NRK: variants seen among roughly 807,000 people sequenced by gnomAD.
NRK encodes the protein Nik related kinase.
NRK carries 67 observed loss-of-function variants against 125.2 expected under a neutral mutation model. That is an observed-to-expected ratio of 0.54 (90% CI 0.44 to 0.66). NRK has a LOEUF of 0.66. Among genes scored for constraint, NRK ranks in the 30% least tolerant of loss-of-function variants. NRK has a pLI of 0.00. For synonymous variants in NRK, 458 were observed against 429.0 expected (o/e 1.07, Z -0.84); for missense variants, 1,224 against 1,192.9 (o/e 1.03, Z -0.38).
At chrX:105,851,962 C>T (rs2039477564) in intron 2 of NRK, among the ~76,000 whole-genome samples, 1 of 112,037 alleles carries the variant, frequency 8.9e-6, no homozygotes. Flanking sequence ...TAGTATTAAA[C>T]AGCTGATTGA....
At chrX:105,877,510 C>A (rs1476770275) in intron 2 of NRK, among the ~76,000 whole-genome samples, 1 of 111,271 alleles carries the variant, frequency 9.0e-6, no homozygotes, top group Non-Finnish European at 1.9e-5. Context: ...TATACAGGAA[C>A]CCCCTGTGCT....
chrX:105,881,562 T>C, intron 3 of NRK, 146 bp from the exon 4 acceptor site: 1 of 378,126 alleles, frequency 2.6e-6, no homozygotes, highest in Non-Finnish European at 4.6e-6. Flanking sequence ...ATTTGGTTTT[T>C]TAAATTAAAA....
intron 4 of NRK, among the ~76,000 whole-genome samples, chrX:105,882,247 T>C (rs1165751196): frequency 9.2e-6 from 1 of 109,002 alleles, no homozygotes; most frequent in East Asian, 2.9e-4. Flanking sequence ...ATGCCCCACG[T>C]GCCCACCCCC....
chrX:105,822,571 T>C lies in NRK; in HGVS notation c.-275T>C, dbSNP rs1229010266. The C allele has an allele frequency of 2.5e-6, 1 of 398,927 alleles. No individual in the cohort carries two copies. Among genetic ancestry groups the C allele is most frequent in the African/African-American group, 2.6e-5 (1 of 38,902 alleles). 32.9% of individuals were successfully genotyped at this position (398,927 alleles called of 1,213,427 possible). On this transcript the variant is annotated 5_prime_UTR_variant, in exon 1 of 29. Coordinates refer to ENST00000243300, the MANE Select transcript of NRK (RefSeq NM_198465.4). ...GCGCTCTCGACACGGAGCACCCTTC[T>C]AGCTTCTTCGTCTCCAGGACTGACG...
chrX:105,923,891 CTATATATATATA>C (rs1204761152), intron 18 of NRK, among the ~76,000 whole-genome samples: 5 of 47,868 alleles, frequency 1.0e-4, no homozygotes, highest in Non-Finnish European at 1.9e-4. Context: ...TGTGATATCA[CTATATATATATA>C]TATATATATA....
chrX:105,882,060 A>G (rs1229990218), intron 4 of NRK, among the ~76,000 whole-genome samples: 2 of 111,148 alleles, frequency 1.8e-5, no homozygotes, highest in Non-Finnish European at 1.9e-5. Flanking sequence ...TACAGAGCAT[A>G]GAACCCTCTG....
chrX:105,831,620 A>G (rs1196556297), intron 2 of NRK, among the ~76,000 whole-genome samples: 4 of 112,343 alleles, frequency 3.6e-5, no homozygotes, highest in African/African-American at 9.7e-5. Context: ...AAGTATGTGC[A>G]GATGCTGTGA....
intron 25 of NRK, 88 bp from the exon 26 acceptor site, chrX:105,946,227 A>G (rs2040810911): frequency 4.5e-6 from 4 of 895,297 alleles, no homozygotes; most frequent in Non-Finnish European, 3.1e-6. Flanking sequence ...TTGTACACTT[A>G]TAAACCTGAC....
chrX:105,873,724 A>G (rs112629626), intron 2 of NRK, among the ~76,000 whole-genome samples: 28 of 110,887 alleles, frequency 2.5e-4, no homozygotes, highest in Admixed American at 9.6e-5. Context: ...TTTGCTCATA[A>G]TGTCCCATCC....
intron 7 of NRK, among the ~76,000 whole-genome samples, chrX:105,897,135 T>G (rs1272022671): frequency 8.9e-6 from 1 of 112,692 alleles, no homozygotes; most frequent in African/African-American, 3.2e-5. Flanking sequence ...GATTAGAGTT[T>G]AATCAGATTT....
chrX:105,850,541 T>A (rs769618029), intron 2 of NRK, among the ~76,000 whole-genome samples: 1 of 112,688 alleles, frequency 8.9e-6, no homozygotes, highest in Admixed American at 9.4e-5. Context: ...TCCAAACTTT[T>A]GTGCTCTGTT....
chrX:105,867,488 A>G (rs1381358525), intron 2 of NRK, among the ~76,000 whole-genome samples: 1 of 112,067 alleles, frequency 8.9e-6, no homozygotes, highest in Non-Finnish European at 1.9e-5. Flanking sequence ...CATCAAACAT[A>G]TTTTTATCTT....
At position 105,896,418 on chromosome X, in the gene NRK, A is replaced by G. The variant is rs765820549; in HGVS notation, c.580+895A>G. Among the ~76,000 whole-genome samples, 121 of 112,378 alleles carry G rather than the reference A, an allele frequency of 1.1e-3. 1 individual carries two copies. Among genetic ancestry groups the G allele is most frequent in the African/African-American group, 3.7e-3 (114 of 31,012 alleles). ...CATTCATTAGGAACATTTTTCACTG[A>G]ACATTTGTGGAAGAAGCATGAGGTA... is the stretch of plus-strand genomic sequence containing the variant. On this transcript the variant is annotated intron_variant, in intron 7 of 28. Coordinates refer to ENST00000243300, the MANE Select transcript of NRK (RefSeq NM_198465.4).
In NRK at chrX:105,947,778, G is replaced by A. The variant is rs1224684563; in HGVS notation, c.4353+1314G>A. 3.6e-5 allele frequency among the ~76,000 whole-genome samples: 4 copies of A among 112,272 alleles called. No individual in the cohort carries two copies. In the Admixed American group the frequency reaches 3.8e-4, roughly 11 times the overall value. On this transcript the variant is annotated intron_variant, in intron 26 of 28. Transcript: ENST00000243300. Reference sequence around the variant, plus strand: ...TTTGATGTATTTTCAAATTACTACAGTTGTGTGATATTTTGAACAGCTCTC... The same window carrying A: ...TTTGATGTATTTTCAAATTACTACAATTGTGTGATATTTTGAACAGCTCTC...
At chrX:105,854,248 C>T (rs1338748677) in intron 2 of NRK, among the ~76,000 whole-genome samples, 2 of 111,723 alleles carry the variant, frequency 1.8e-5, no homozygotes, top group East Asian at 5.6e-4. Flanking sequence ...ATTTGAGGAC[C>T]TTTGTTAGTC....
chrX:105,832,763 C>T (rs2039211017), intron 2 of NRK, among the ~76,000 whole-genome samples: 1 of 111,079 alleles, frequency 9.0e-6, no homozygotes, highest in Non-Finnish European at 1.9e-5. Flanking sequence ...GTGGCTCACT[C>T]CTGTAATCCC....
chrX:105,923,435 T>G lies in NRK; in HGVS notation c.2928T>G (p.Phe976Leu). The G allele has an allele frequency of 8.7e-7, 1 of 1,146,123 alleles. No individual in the cohort carries two copies. Among genetic ancestry groups the G allele is most frequent in the Non-Finnish European group, 1.2e-6 (1 of 856,836 alleles). 94.5% of individuals were successfully genotyped at this position (1,146,123 alleles called of 1,213,427 possible). ...CKDHDDDNNK[F>L]VDDVNNNYYE... ...ACCATGATGATGACAACAATAAGTT[T>G]GTTGATGATGTAAATAATAATTATT... The change falls in exon 18 of 29, where the codon TTT (phenylalanine) becomes TTG (leucine). Residue 976 changes from phenylalanine (F) to leucine (L), a missense_variant. Transcript: ENST00000243300.
intron 11 of NRK, among the ~76,000 whole-genome samples, 175 bp downstream of exon 11, chrX:105,906,764 C>CGTGTGTGTGTGTGT (rs61655627): frequency 2.7e-4 from 24 of 87,537 alleles, no homozygotes; most frequent in African/African-American, 5.9e-4. Flanking sequence ...TTTTCTCTTG[C>CGTGTGTGTGTGTGT]GTGTGTGTGT....
At chrX:105,847,748 A>G (rs1188047404) in intron 2 of NRK, among the ~76,000 whole-genome samples, 1 of 112,022 alleles carries the variant, frequency 8.9e-6, no homozygotes, top group African/African-American at 3.2e-5. Flanking sequence ...TCACAAGTTT[A>G]GAGTATGCAG....
Sources: allele counts gnomAD v4.1 joint callset (sites outside exome capture counted in the v4.1 genomes callset), GRCh38; gene constraint gnomAD v4.1.1; transcripts MANE v1.5; gene names NCBI Gene and HGNC (gene_info 2026-07-23, HGNC 2026-07-21).